ZBED4: variants seen among roughly 807,000 people sequenced by gnomAD.
The protein encoded by ZBED4 is zinc finger BED domain-containing protein 4.
ZBED4 carries 4 observed loss-of-function variants against 15.5 expected under a neutral mutation model. The observed-to-expected ratio is 0.26, with a 90% CI of 0.13 to 0.59. The LOEUF (loss-of-function observed/expected upper bound fraction) is 0.59, where lower values mean the gene tolerates loss of function less well. ZBED4 is among the 20% of genes least tolerant of loss of function. ZBED4 has a pLI of 0.90. For synonymous variants in ZBED4, 692 were observed against 608.5 expected (o/e 1.14, Z -2.02); for missense variants, 1,323 against 1,461.8 (o/e 0.91, Z 1.55).
At chr22:49,871,250 A>G (rs1441591177) in intron 1 of ZBED4, among the ~76,000 whole-genome samples, 1 of 139,708 alleles carries the variant, frequency 7.2e-6, no homozygotes, top group African/African-American at 2.7e-5. Context: ...GCACTTTGGG[A>G]GGCCAAGGCA....
At chr22:49,881,391 A>C (rs2060408761) in intron 1 of ZBED4, among the ~76,000 whole-genome samples, 1 of 152,204 alleles carries the variant, frequency 6.6e-6, no homozygotes, top group South Asian at 2.1e-4. Context: ...GTAGAAATAC[A>C]GTTGCTGTTT....
In ZBED4 at chr22:49,885,582, T is replaced by A; in HGVS notation, c.1920T>A (p.Ser640=). 1 of 1,605,146 alleles carries A rather than the reference T, an allele frequency of 6.2e-7. No homozygotes were observed. The highest frequency in any genetic ancestry group is 8.5e-7 in the Non-Finnish European group (1 of 1,172,978). Residue 640 remains serine (S), a synonymous_variant, in exon 2 of 2, where the codon TCT becomes TCA. Transcript: ENST00000216268. ...PRGTELSGAS[S]FDDTNEKFYD... is the part of the protein sequence containing the mutation. ...GCACAGAATTATCAGGCGCTTCCTC[T>A]TTTGATGACACCAATGAGAAGTTTT...
chr22:49,872,247 C>G (rs968653119), intron 1 of ZBED4, among the ~76,000 whole-genome samples: 9 of 152,188 alleles, frequency 5.9e-5, no homozygotes, highest in Admixed American at 6.5e-5. Context: ...TTCATAGCAT[C>G]TCCACCAGGA....
intron 1 of ZBED4, among the ~76,000 whole-genome samples, chr22:49,863,153 C>G (rs955904292): frequency 6.6e-6 from 1 of 152,112 alleles, no homozygotes; most frequent in South Asian, 2.1e-4. Flanking sequence ...TTCCTCTATC[C>G]TTTGGTTTCT....
Position 49,885,326 on chromosome 22 carries a change from T to C in ZBED4, c.1664T>C (p.Val555Ala). 6.3e-7 allele frequency: 1 copy of C among 1,591,898 alleles called. No individual in the cohort carries two copies. Among genetic ancestry groups the C allele is most frequent in the Non-Finnish European group, 8.6e-7 (1 of 1,167,858 alleles). The change falls in exon 2 of 2, where the codon GTT becomes GCT. Residue 555 changes from valine to alanine, a missense_variant. Val to Ala is a moderately conservative substitution (Grantham distance 64). Coordinates refer to ENST00000216268, the MANE Select transcript of ZBED4 (RefSeq NM_014838.3). ...VTKNNQVMFP[V>A]NSKKTSKLWN... ...AAAAACAATCAAGTTATGTTTCCTG[T>C]TAATAGCAAAAAGACCTCGAAGCTG...
chr22:49,872,337 A>ATCTTTGGGTTCTGT lies in ZBED4; in HGVS notation c.-329-10997_-329-10996insTCTTTGGGTTCTGT, dbSNP rs1243920470. ...TCATTCACTCAAGTTTTATCCTAAG[A>ATCTTTGGGTTCTGT]GTACAGCAATTCCGCCGTATCTTTG... On this transcript the variant is annotated intron_variant, in intron 1 of 1. Coordinates refer to ENST00000216268, the MANE Select transcript of ZBED4 (RefSeq NM_014838.3). Among the ~76,000 whole-genome samples, 5 of 152,168 alleles carry ATCTTTGGGTTCTGT rather than the reference A, an allele frequency of 3.3e-5. No individual in the cohort carries two copies. In the East Asian group the frequency reaches 9.6e-4, roughly 29 times the overall value.
intron 1 of ZBED4, among the ~76,000 whole-genome samples, chr22:49,879,001 C>T (rs577705315): frequency 2.0e-5 from 3 of 151,344 alleles, no homozygotes; most frequent in East Asian, 2.0e-4. Context: ...AAAAATTAGC[C>T]GGGTGTGGTG....
rs2054571874 is a variant in ZBED4, at chr22:49,889,195, A to G, written c.*2017A>G. ...CAGTCTCTAGTCTCACAGAGCATAT[A>G]GTCTAGTCCACGATTGGCAAGCTGC... On this transcript the variant is annotated 3_prime_UTR_variant, in exon 2 of 2. Coordinates refer to ENST00000216268, the MANE Select transcript of ZBED4 (RefSeq NM_014838.3). 1 of 167,208 alleles carries G rather than the reference A, an allele frequency of 6.0e-6. No homozygotes were observed. 10.4% of individuals were successfully genotyped at this position (167,208 alleles called of 1,614,324 possible).
At chr22:49,858,370 AC>A (rs577501816) in intron 1 of ZBED4, among the ~76,000 whole-genome samples, 13 of 152,166 alleles carry the variant, frequency 8.5e-5, no homozygotes, top group South Asian at 2.1e-4. Context: ...AGGAGGAGAA[AC>A]TGCCATGTCC....
chr22:49,877,297 ATTTATTTATTTT>A (rs2060382081), intron 1 of ZBED4, among the ~76,000 whole-genome samples: 1 of 57,808 alleles, frequency 1.7e-5, no homozygotes, highest in Non-Finnish European at 4.1e-5. Context: ...TTATTTATTT[ATTTATTTATTTT>A]GAGATGGAGT....
Position 49,889,274 on chromosome 22 carries a change from G to C in ZBED4, c.*2096G>C, listed in dbSNP as rs2060456019. ...CATTTTTCTAAGTGAAATTTTCTTG[G>C]AATACAGTCACAGCTGTTTTTTTAA... On this transcript the variant is annotated 3_prime_UTR_variant, in exon 2 of 2. Coordinates refer to ENST00000216268, the MANE Select transcript of ZBED4 (RefSeq NM_014838.3). 6.0e-6 allele frequency: 1 copy of C among 167,080 alleles called. No homozygotes were observed. Among genetic ancestry groups the C allele is most frequent in the African/African-American group, 2.4e-5 (1 of 41,446 alleles). 10.3% of individuals were successfully genotyped at this position (167,080 alleles called of 1,614,324 possible).
In ZBED4 at chr22:49,886,230, C is replaced by G. The variant is rs746183264; in HGVS notation, c.2568C>G (p.Ile856Met). Residue 856 changes from isoleucine to methionine, a missense_variant, in exon 2 of 2, where the codon ATC becomes ATG. By Grantham distance (10) the Ile-to-Met change is conservative (BLOSUM62 1). Around this residue, in one of 6 missense-constraint regions of ZBED4, gnomAD observed 100 missense variants for 79.3 expected, o/e 1.26. Coordinates refer to ENST00000216268, the MANE Select transcript of ZBED4 (RefSeq NM_014838.3). This position sits in a 1 kb window ranked among gnomAD's most constrained non-coding sequence, Gnocchi z 7.7. Reference sequence around the variant, plus strand: ...ACCTGCTGAGCCTCGCCCGGAAGATCTGCGAGCGGGTGCACCGGTCGCCCA... The same window carrying G: ...ACCTGCTGAGCCTCGCCCGGAAGATGTGCGAGCGGGTGCACCGGTCGCCCA... ...VQNLLSLARK[I>M]CERVHRSPKA... 1.1e-6 allele frequency: 1 copy of G among 915,622 alleles called. No homozygotes were observed. Among genetic ancestry groups the G allele is most frequent in the South Asian group, 1.5e-5 (1 of 67,424 alleles). The allele number at this position is 915,622 out of a possible 1,614,324, so 56.7% of individuals were successfully genotyped here.
chr22:49,860,995 T>G (rs905743985), intron 1 of ZBED4, among the ~76,000 whole-genome samples: 3 of 58,790 alleles, frequency 5.1e-5, no homozygotes, highest in Non-Finnish European at 1.2e-4. Context: ...CCCAGGCTGG[T>G]CTCGATCTGA....
At chr22:49,870,621 T>A (rs541880429) in intron 1 of ZBED4, among the ~76,000 whole-genome samples, 1 of 152,312 alleles carries the variant, frequency 6.6e-6, no homozygotes, top group Non-Finnish European at 1.5e-5. Context: ...CTTTTATGTC[T>A]CCTTTCGAGA....
In ZBED4 at chr22:49,889,311, G is replaced by T. The variant is rs983964040; in HGVS notation, c.*2133G>T. ...AGCTGTTTTTTTAACATGGTGTCTT[G>T]GCTACTTTCAGGCTGCGACGGGAGA... On this transcript the variant is annotated 3_prime_UTR_variant, in exon 2 of 2. Transcript: ENST00000216268. 6.0e-6 allele frequency: 1 copy of T among 167,040 alleles called. No individual in the cohort carries two copies. The highest frequency in any genetic ancestry group is 1.9e-4 in the East Asian group (1 of 5,202). The allele number at this position is 167,040 out of a possible 1,614,324, so 10.3% of individuals were successfully genotyped here. A position where few individuals can be genotyped will look rare whatever the true frequency, so the allele number is the denominator to read the frequency against.
intron 1 of ZBED4, among the ~76,000 whole-genome samples, chr22:49,881,762 G>T (rs1266512559): frequency 6.6e-6 from 1 of 152,048 alleles, no homozygotes; most frequent in African/African-American, 2.4e-5. Flanking sequence ...CAAACTTGTG[G>T]TTTCAAGCGA....
chr22:49,856,580 C>T (rs1354591380), intron 1 of ZBED4, among the ~76,000 whole-genome samples: 2 of 152,226 alleles, frequency 1.3e-5, no homozygotes. Context: ...CCAGCTCCCC[C>T]GGGTTGTTTC....
rs550972379 is a variant in ZBED4 at position 49,859,644 on chromosome 22, G to A, written c.-330+5655G>A. Among the ~76,000 whole-genome samples the A allele has an allele frequency of 5.9e-5, 9 of 152,256 alleles. No individual in the cohort carries two copies. The South Asian group carries it at 1.0e-3, about 18-fold the overall frequency. On this transcript the variant is annotated intron_variant, in intron 1 of 1. Transcript: ENST00000216268. ...TCTGTTATTGCTTAATGCCCTGTTC[G>A]CGGACACAGCTAGAAAATATGTATT...
chr22:49,888,082 A>G lies in ZBED4; in HGVS notation c.*904A>G, dbSNP rs1421831047. The G allele has an allele frequency of 6.0e-6, 1 of 167,260 alleles. No homozygotes were observed. Among genetic ancestry groups the G allele is most frequent in the Non-Finnish European group, 1.5e-5 (1 of 68,124 alleles). The allele number at this position is 167,260 out of a possible 1,614,324, so 10.4% of individuals were successfully genotyped here. On this transcript the variant is annotated 3_prime_UTR_variant, in exon 2 of 2. Transcript: ENST00000216268. ...TTTTTAGAAGAGATGGCTTATTAAC[A>G]GGGAAGAAGCTTGTTATATTCCAGT...
Sources: gnomAD v4.1 joint callset for allele counts (sites outside exome capture counted in the v4.1 genomes callset) on GRCh38, gnomAD v4.1.1 for gene constraint, gnomAD v4.1.1 regional missense constraint, Gnocchi (gnomAD v3.1) non-coding constraint, MANE v1.5 for transcripts, NCBI Gene and HGNC (gene_info 2026-07-23, HGNC 2026-07-21) for gene names.